Variants in MIA3 observed in about 807,000 individuals in gnomAD.
MIA3 encodes the protein MIA SH3 domain ER export factor 3.
In MIA3, 90 loss-of-function variants were observed where a neutral mutation model predicts 192.4. The observed-to-expected ratio is 0.47, with a 90% CI of 0.39 to 0.56. The LOEUF (loss-of-function observed/expected upper bound fraction) is 0.56, where lower values mean the gene tolerates loss of function less well. Ranked by LOEUF, MIA3 falls within the 20% of genes least tolerant of loss-of-function variation. The probability of loss-of-function intolerance (pLI) is 0.00; values close to 1 mark genes in which losing one functional copy is unlikely to be tolerated. For synonymous variants in MIA3, 740 were observed against 792.8 expected (o/e 0.93, Z 1.12); for missense variants, 2,123 against 2,269.4 (o/e 0.94, Z 1.31).
intron 27 of MIA3, 93 bp from the exon 28 acceptor site, chr1:222,665,216 A>G: frequency 1.1e-6 from 1 of 923,198 alleles, no homozygotes; most frequent in Non-Finnish European, 1.6e-6. Flanking sequence ...AAAAAAAAAA[A>G]AAAAAGGATG....
intron 23 of MIA3, 35 bp from the exon 24 acceptor site, chr1:222,660,142 G>T: frequency 6.2e-7 from 1 of 1,603,658 alleles, no homozygotes; most frequent in South Asian, 1.1e-5. Flanking sequence ...AAAAAAGGCT[G>T]TCTTAAAATG....
chr1:222,626,284 T>C (rs1558172566), intron 3 of MIA3, among the ~76,000 whole-genome samples: 1 of 152,182 alleles, frequency 6.6e-6, no homozygotes, highest in East Asian at 1.9e-4. Context: ...CTGTTTGGCT[T>C]CACTCCTGAT....
At chr1:222,638,759 C>T (rs760057861) in intron 6 of MIA3, among the ~76,000 whole-genome samples, 3 of 151,628 alleles carry the variant, frequency 2.0e-5, no homozygotes, top group Admixed American at 6.6e-5. Flanking sequence ...TGTACAATGT[C>T]GCCAAAGAAC....
At chr1:222,635,233 A>C (rs1662573759) in intron 6 of MIA3, among the ~76,000 whole-genome samples, 1 of 152,248 alleles carries the variant, frequency 6.6e-6, no homozygotes, top group African/African-American at 2.4e-5. Context: ...TTTGGTTTTC[A>C]GAGTGAAATT....
rs142660517 is a variant in MIA3, at chr1:222,624,385, C to T, written c.268-383C>T. Among the ~76,000 whole-genome samples the T allele has an allele frequency of 3.4e-3, 519 of 152,282 alleles. 6 individuals carry two copies. Among genetic ancestry groups the T allele is most frequent in the South Asian group, 0.03 (146 of 4,828 alleles). ...TGCTACCTACTGTACTATAATAGTT[C>T]GTAGCCACCTCCTCTTGCTATTCTA... On this transcript the variant is annotated intron_variant, in intron 2 of 27. Coordinates refer to ENST00000344922, the MANE Select transcript of MIA3 (RefSeq NM_198551.4).
intron 8 of MIA3, among the ~76,000 whole-genome samples, chr1:222,649,051 C>T (rs973955765): frequency 1.3e-5 from 2 of 152,038 alleles, no homozygotes; most frequent in African/African-American, 4.8e-5. Context: ...TGAGGAGGAA[C>T]GAATTGTGGG....
rs778975717 is a variant in MIA3, at chr1:222,665,638, T to C, written c.*19T>C. ...CCCATAAAACTATGACCTCTGAGGT[T>C]TCATTGGAAAGAAAGTGTACTGTGC... On this transcript the variant is annotated 3_prime_UTR_variant, in exon 28 of 28. Transcript: ENST00000344922. 1 of 1,541,890 alleles carries C rather than the reference T, an allele frequency of 6.5e-7. No homozygotes were observed. Among genetic ancestry groups the C allele is most frequent in the Non-Finnish European group, 8.7e-7 (1 of 1,145,702 alleles).
chr1:222,650,132 A>T, intron 8 of MIA3, 160 bp from the exon 9 acceptor site: 1 of 648,866 alleles, frequency 1.5e-6, no homozygotes, highest in Non-Finnish European at 2.9e-6. Flanking sequence ...TTTGATGGAG[A>T]CACAGAACCA....
chr1:222,664,240 T>G (rs912429527), intron 27 of MIA3, 92 bp downstream of exon 27: 2 of 1,367,850 alleles, frequency 1.5e-6, no homozygotes, highest in African/African-American at 2.9e-5. Flanking sequence ...TGCGGGGCTT[T>G]GCAATGCAGC....
intron 6 of MIA3, among the ~76,000 whole-genome samples, chr1:222,644,060 C>G (rs970305271): frequency 6.6e-6 from 1 of 152,222 alleles, no homozygotes; most frequent in Non-Finnish European, 1.5e-5. Flanking sequence ...CTCCTTTTCC[C>G]CAGCTGCCGC....
chr1:222,619,482 T>C (rs1479188364), intron 1 of MIA3, among the ~76,000 whole-genome samples: 1 of 152,254 alleles, frequency 6.6e-6, no homozygotes, highest in African/African-American at 2.4e-5. Context: ...AAAAGAGATC[T>C]CTAATGAGTG....
Position 222,618,163 on chromosome 1 carries a change from G to A in MIA3, c.53G>A (p.Trp18Ter). ...TGGCTGCTCGTGCTCCGGCTGCCCT[G>A]GCGGGTGCCGGGCCAGCTGGACCCC... is the stretch of plus-strand genomic sequence containing the variant. ...LVWLLVLRLP[W>*]RVPGQLDPST... Residue 18 changes from tryptophan (W) to a stop codon, truncating the protein, a stop_gained, in exon 1 of 28, where the codon TGG becomes TAG. Coordinates refer to ENST00000344922, the MANE Select transcript of MIA3 (RefSeq NM_198551.4). LOFTEE classifies it high-confidence loss of function. 6.6e-7 allele frequency: 1 copy of A among 1,506,540 alleles called. No individual in the cohort carries two copies. Among genetic ancestry groups the A allele is most frequent in the Non-Finnish European group, 8.9e-7 (1 of 1,127,796 alleles). 93.3% of individuals were successfully genotyped at this position (1,506,540 alleles called of 1,614,324 possible). A position where few individuals can be genotyped will look rare whatever the true frequency, so the allele number is the denominator to read the frequency against.
rs1178350428 is a variant in MIA3 at position 222,628,232 on chromosome 1, G to A, written c.1012G>A (p.Asp338Asn). 5.6e-6 allele frequency: 9 copies of A among 1,614,130 alleles called. No homozygotes were observed. Among genetic ancestry groups the A allele is most frequent in the Non-Finnish European group, 7.6e-6 (9 of 1,180,022 alleles). ...ATTACTTACCTTTACAGATGGGGAA[G>A]ATATGAAAACTCCAGCAAAGTCTGG... ...LPLLTFTDGE[D>N]MKTPAKSGVE... Residue 338 changes from aspartate to asparagine, a missense_variant, in exon 4 of 28, where the codon GAT becomes AAT. By Grantham distance (23) the Asp-to-Asn change is conservative (BLOSUM62 1). Around this residue, in one of 3 missense-constraint regions of MIA3, gnomAD observed 1,357 missense variants for 1,396.1 expected, o/e 0.97. Coordinates refer to ENST00000344922, the MANE Select transcript of MIA3 (RefSeq NM_198551.4).
chr1:222,619,264 T>A (rs1465274154), intron 1 of MIA3, among the ~76,000 whole-genome samples: 1 of 152,236 alleles, frequency 6.6e-6, no homozygotes, highest in Non-Finnish European at 1.5e-5. Context: ...AGGATCATTT[T>A]AGGGCCTCCC....
chr1:222,667,133 A>C lies in MIA3; in HGVS notation c.*1514A>C, dbSNP rs1420334406. The C allele has an allele frequency of 6.6e-6, 1 of 152,238 alleles. No homozygotes were observed. Among genetic ancestry groups the C allele is most frequent in the East Asian group, 1.9e-4 (1 of 5,200 alleles). 9.4% of individuals were successfully genotyped at this position (152,238 alleles called of 1,614,324 possible). On this transcript the variant is annotated 3_prime_UTR_variant, in exon 28 of 28. Transcript: ENST00000344922. ...TGAAACAATTTTCTCTCTTTATACT[A>C]AACAACTGAAGATAGATAGTTTAGA...
intron 26 of MIA3, among the ~76,000 whole-genome samples, chr1:222,663,413 A>G (rs763253384): frequency 1.5e-4 from 23 of 152,288 alleles, no homozygotes; most frequent in Non-Finnish European, 2.5e-4. Flanking sequence ...CAAACCTGGC[A>G]TGGAATTCCA....
At position 222,664,030 on chromosome 1, in the gene MIA3, C is replaced by T. The variant is rs772069452; in HGVS notation, c.5295C>T (p.Phe1765=). Residue 1765 remains phenylalanine, a synonymous_variant, in exon 27 of 28, where the codon TTC becomes TTT. Coordinates refer to ENST00000344922, the MANE Select transcript of MIA3 (RefSeq NM_198551.4). ...VNMAPKGPPP[F]PGVPLMSTPM... ...TGGCTCCAAAAGGGCCCCCTCCTTT[C>T]CCAGGAGTCCCTCTCATGAGCACCC... 3 of 1,614,100 alleles carry T rather than the reference C, an allele frequency of 1.9e-6. No individual in the cohort carries two copies. The highest frequency in any genetic ancestry group is 8.5e-7 in the Non-Finnish European group (1 of 1,179,960).
Position 222,645,626 on chromosome 1 carries a change from A to G in MIA3, c.3550A>G (p.Ile1184Val). Residue 1184 changes from isoleucine to valine, a missense_variant, in exon 7 of 28, where the codon ATC becomes GTC. By Grantham distance (29) the Ile-to-Val change is conservative. Around this residue, in one of 3 missense-constraint regions of MIA3, gnomAD observed 4 missense variants for 16.9 expected, o/e 0.24. Transcript: ENST00000344922. ...FYGLPWKPVFITAFLGIASFA... is the reference protein window; with the variant it reads ...FYGLPWKPVFVTAFLGIASFA... ...TGGACTGCCATGGAAACCTGTATTTATCACTGCCTTCTTGGGAATTGCTTC... is the reference window on the plus strand; with the variant it reads ...TGGACTGCCATGGAAACCTGTATTTGTCACTGCCTTCTTGGGAATTGCTTC... The G allele has an allele frequency of 6.2e-7, 1 of 1,613,974 alleles. No homozygotes were observed. The highest frequency in any genetic ancestry group is 8.5e-7 in the Non-Finnish European group (1 of 1,179,944).
chr1:222,639,937 C>CT (rs1558183367), intron 6 of MIA3, among the ~76,000 whole-genome samples: 2 of 151,930 alleles, frequency 1.3e-5, no homozygotes, highest in South Asian at 2.1e-4. Flanking sequence ...GTAAAATTGT[C>CT]TTTTTTTGCA....
Sources: allele counts gnomAD v4.1 joint callset (sites outside exome capture counted in the v4.1 genomes callset), GRCh38; gene constraint gnomAD v4.1.1; regional missense constraint gnomAD v4.1.1; transcripts MANE v1.5; gene names NCBI Gene and HGNC (gene_info 2026-07-23, HGNC 2026-07-21).